Variants in SCFD1 observed in about 807,000 individuals in gnomAD.
SCFD1 encodes the protein sec1 family domain containing 1, also known as sec1 family domain-containing protein 1.
In SCFD1, 37 loss-of-function variants were observed where a neutral mutation model predicts 103.2. The observed-to-expected ratio is 0.36, with a 90% confidence interval of 0.28 to 0.47. The LOEUF is 0.47. Among genes scored for constraint, SCFD1 ranks in the 20% least tolerant of loss-of-function variants. SCFD1 has a pLI of 1.00. For synonymous variants in SCFD1, 264 were observed against 245.0 expected (o/e 1.08, Z -0.73); for missense variants, 639 against 761.2 (o/e 0.84, Z 1.89).
intron 10 of SCFD1, chr14:30,654,006 G>A (rs901978107): frequency 2.0e-5 from 3 of 153,072 alleles, no homozygotes; most frequent in Non-Finnish European, 4.4e-5. Flanking sequence ...TATTTTTTAT[G>A]TTACACCATA....
intron 18 of SCFD1, among the ~76,000 whole-genome samples, chr14:30,707,478 T>A (rs951288685): frequency 1.7e-4 from 26 of 152,162 alleles, no homozygotes; most frequent in African/African-American, 6.0e-4. Flanking sequence ...GGAGAGAAAA[T>A]ATACAATGTA....
In SCFD1 at chr14:30,628,228, G is replaced by C. The variant is rs1275254427; in HGVS notation, c.81G>C (p.Leu27Phe). 6.2e-7 allele frequency: 1 copy of C among 1,611,554 alleles called. No individual in the cohort carries two copies. Among genetic ancestry groups the C allele is most frequent in the Non-Finnish European group, 8.5e-7 (1 of 1,178,192 alleles). Reference sequence around the variant, plus strand: ...TTTCAGTGGCTTTGAAGCGTATGTTGAATTTCAATGTGCCTCATATTAAAA... The same window carrying C: ...TTTCAGTGGCTTTGAAGCGTATGTTCAATTTCAATGTGCCTCATATTAAAA... The part of the protein sequence containing the change: ...ERQTVALKRM[L>F]NFNVPHIKNS... Residue 27 changes from leucine (L) to phenylalanine (F), a missense_variant, in exon 2 of 25, where the codon TTG (leucine) becomes TTC (phenylalanine). Coordinates refer to ENST00000458591, the MANE Select transcript of SCFD1 (RefSeq NM_016106.4).
At chr14:30,712,255 G>A (rs528900423) in intron 19 of SCFD1, among the ~76,000 whole-genome samples, 1 of 152,184 alleles carries the variant, frequency 6.6e-6, no homozygotes, top group African/African-American at 2.4e-5. Flanking sequence ...CTTACAGGAG[G>A]TCCACATAGG....
chr14:30,724,642 T>G (rs1877033231), intron 23 of SCFD1, among the ~76,000 whole-genome samples: 1 of 152,188 alleles, frequency 6.6e-6, no homozygotes, highest in African/African-American at 2.4e-5. Context: ...TCTACCATCC[T>G]ATAGGTTTTC....
chr14:30,660,843 G>A (rs1021107111), intron 10 of SCFD1, among the ~76,000 whole-genome samples: 2 of 152,108 alleles, frequency 1.3e-5, no homozygotes, highest in Admixed American at 1.3e-4. Flanking sequence ...TGTTGGCCTT[G>A]ATAGCTTCTT....
At chr14:30,725,457 G>A (rs1207145081) in intron 23 of SCFD1, among the ~76,000 whole-genome samples, 1 of 152,092 alleles carries the variant, frequency 6.6e-6, no homozygotes, top group Non-Finnish European at 1.5e-5. Context: ...TTGTGAATGG[G>A]AGCTTCTTCC....
chr14:30,715,814 A>G, intron 19 of SCFD1, 110 bp from the exon 20 acceptor site: 2 of 602,912 alleles, frequency 3.3e-6, no homozygotes, highest in Admixed American at 3.5e-5. Flanking sequence ...TAATCTTAGA[A>G]TGTGTTTAAT....
rs1008902179 is a variant in SCFD1, at chr14:30,712,054, A to G, written c.1630-3870A>G. ...GGGTATTAGATACACTCTGTAGATC[A>G]CAGTCTGGTTTATAATTTTAAATTT... is the stretch of plus-strand genomic sequence containing the variant. On this transcript the variant is annotated intron_variant, in intron 19 of 24. Transcript: ENST00000458591. Among the ~76,000 whole-genome samples, 7 of 142,626 alleles carry G rather than the reference A, an allele frequency of 4.9e-5. No homozygotes were observed. The South Asian group carries it at 1.6e-3, about 32-fold the overall frequency. The allele number at this position is 142,626 out of a possible 152,430, so 93.6% of individuals were successfully genotyped here.
Position 30,735,809 on chromosome 14 carries a change from T to A in SCFD1, c.*200T>A, listed in dbSNP as rs1566675239. 4.4e-6 allele frequency: 2 copies of A among 452,838 alleles called. No individual in the cohort carries two copies. The highest frequency in any genetic ancestry group is 7.9e-6 in the Non-Finnish European group (2 of 253,706). 28.1% of individuals were successfully genotyped at this position (452,838 alleles called of 1,614,324 possible). On this transcript the variant is annotated 3_prime_UTR_variant, in exon 25 of 25. Coordinates refer to ENST00000458591, the MANE Select transcript of SCFD1 (RefSeq NM_016106.4). ...CATTTCAGAAATAAAATTTCAACAT[T>A]GTTCATTTTCTCTGATAAATCAGAA...
intron 14 of SCFD1, among the ~76,000 whole-genome samples, chr14:30,691,061 A>C (rs1890262449): frequency 6.6e-6 from 1 of 152,246 alleles, no homozygotes; most frequent in Non-Finnish European, 1.5e-5. Flanking sequence ...GAAAAGGCCT[A>C]TAGAAGGAAG....
chr14:30,656,399 A>G (rs1391892963), intron 10 of SCFD1, among the ~76,000 whole-genome samples: 3 of 152,166 alleles, frequency 2.0e-5, no homozygotes, highest in Non-Finnish European at 2.9e-5. Flanking sequence ...GGATTTCTCA[A>G]CCTTGGCATT....
chr14:30,683,906 G>T (rs1336975996), intron 14 of SCFD1, among the ~76,000 whole-genome samples: 1 of 152,188 alleles, frequency 6.6e-6, no homozygotes, highest in Non-Finnish European at 1.5e-5. Flanking sequence ...GGCTGAAGAA[G>T]AGGGAAAGCC....
In SCFD1 at chr14:30,700,119, T is replaced by C. The variant is rs1890977147; in HGVS notation, c.1340-69T>C. The C allele has an allele frequency of 4.6e-6, 5 of 1,081,800 alleles. No homozygotes were observed. In the South Asian group the frequency reaches 6.8e-5, roughly 15 times the overall value. 67.0% of individuals were successfully genotyped at this position (1,081,800 alleles called of 1,614,324 possible). A position where few individuals can be genotyped will look rare whatever the true frequency, so the allele number is the denominator to read the frequency against. ...ATATATGCCTTGAAATGTAACATAC[T>C]TGTGTTGACTATAATACATAATAAC... On this transcript the variant is annotated intron_variant, in intron 15 of 24. Transcript: ENST00000458591.
intron 7 of SCFD1, among the ~76,000 whole-genome samples, chr14:30,646,924 C>T (rs11623154): frequency 2.2e-4 from 33 of 151,922 alleles, no homozygotes; most frequent in East Asian, 9.7e-4. Context: ...TAGTCTCTGA[C>T]GGTTTTTTAT....
At chr14:30,679,228 AT>A (rs34426823) in intron 14 of SCFD1, among the ~76,000 whole-genome samples, 18,840 of 143,060 alleles carry the variant, frequency 0.13, 2,415 homozygotes, top group African/African-American at 0.34. Flanking sequence ...TCATGATTGG[AT>A]TTTTTTTTTT....
intron 10 of SCFD1, among the ~76,000 whole-genome samples, chr14:30,664,850 A>T (rs1008445496): frequency 1.3e-5 from 2 of 152,232 alleles, no homozygotes; most frequent in African/African-American, 4.8e-5. Context: ...AGAGAAAAAA[A>T]GAGTAAAAAG....
chr14:30,666,244 A>G (rs956901639), intron 10 of SCFD1, among the ~76,000 whole-genome samples: 1 of 152,238 alleles, frequency 6.6e-6, no homozygotes, highest in Non-Finnish European at 1.5e-5. Flanking sequence ...ACTCAGGATT[A>G]AGAAACTTAC....
chr14:30,723,446 G>A lies in SCFD1; in HGVS notation c.1836+887G>A, dbSNP rs116654728. On this transcript the variant is annotated intron_variant, in intron 23 of 24. Coordinates refer to ENST00000458591, the MANE Select transcript of SCFD1 (RefSeq NM_016106.4). ...AGTTCAGGGGTACAAGTGCAGTTTT[G>A]CTACATAGGTAAACTCGTGTCATGG... 2.6e-3 allele frequency among the ~76,000 whole-genome samples: 402 copies of A among 152,184 alleles called. 4 individuals carry two copies. Among genetic ancestry groups the A allele is most frequent in the African/African-American group, 8.3e-3 (344 of 41,512 alleles).
intron 14 of SCFD1, among the ~76,000 whole-genome samples, chr14:30,691,088 G>A (rs556578506): frequency 6.6e-6 from 1 of 152,294 alleles, no homozygotes; most frequent in South Asian, 2.1e-4. Flanking sequence ...AATCGTTCTT[G>A]AGGGTAGTGT....
Sources: allele counts gnomAD v4.1 joint callset (sites outside exome capture counted in the v4.1 genomes callset), GRCh38; gene constraint gnomAD v4.1.1; transcripts MANE v1.5; gene names NCBI Gene and HGNC (gene_info 2026-07-23, HGNC 2026-07-21).